The following COL22A1 variants were observed in gnomAD, a reference collection of about 807,000 sequenced individuals.
COL22A1 encodes the protein collagen type XXII alpha 1 chain.
A neutral mutation model predicts 248.9 loss-of-function variants in COL22A1; 221 were observed. The observed-to-expected ratio is 0.89, with a 90% CI of 0.80 to 0.99. The LOEUF (loss-of-function observed/expected upper bound fraction) is 0.99, where lower values mean the gene tolerates loss of function less well. Among genes scored for constraint, COL22A1 ranks in the 50% least tolerant of loss-of-function variants. The probability of loss-of-function intolerance (pLI) is 0.00; values close to 1 mark genes in which losing one functional copy is unlikely to be tolerated. For missense variants in COL22A1, 2,240 were observed against 2,179.0 expected, an observed-to-expected ratio of 1.03 and a Z score of -0.56; for synonymous variants, 891 against 793.4, an observed-to-expected ratio of 1.12 and a Z score of -2.07.
chr8:138,831,850 C>T (rs1038655503), intron 5 of COL22A1, among the ~76,000 whole-genome samples: 8 of 152,106 alleles, frequency 5.3e-5, no homozygotes, highest in Non-Finnish European at 7.3e-5. Flanking sequence ...TTGTCAGAGG[C>T]GTGTGAACCA....
At chr8:138,790,762 G>A (rs1031185656) in intron 12 of COL22A1, among the ~76,000 whole-genome samples, 20 of 152,216 alleles carry the variant, frequency 1.3e-4, no homozygotes, top group African/African-American at 4.3e-4. Context: ...CCCACCCAAT[G>A]AGAAGCACGA....
Position 138,895,060 on chromosome 8 carries a change from T to TAAA in COL22A1, c.-72-11819_-72-11817dup, listed in dbSNP as rs35588853. Among the ~76,000 whole-genome samples the TAAA allele has an allele frequency of 2.0e-3, 281 of 139,626 alleles. 8 individuals are homozygous for TAAA. The East Asian group carries it at 0.042, about 21-fold the overall frequency. The allele number at this position is 139,626 out of a possible 152,430, so 91.6% of individuals were successfully genotyped here. A position where few individuals can be genotyped will look rare whatever the true frequency, so the allele number is the denominator to read the frequency against. ...GACAACAGAGCAAGAACCTTTCTCT[T>TAAA]AAAAAAAAAAAAAGAAAAGAAAAGA... On this transcript the variant is annotated intron_variant, in intron 1 of 64. Coordinates refer to ENST00000303045, the MANE Select transcript of COL22A1 (RefSeq NM_152888.3).
At chr8:138,757,121 A>G (rs1833073210) in intron 18 of COL22A1, among the ~76,000 whole-genome samples, 1 of 152,190 alleles carries the variant, frequency 6.6e-6, no homozygotes, top group Admixed American at 6.5e-5. Context: ...TAGCCCCTGC[A>G]GGCACTTCCA....
At position 138,655,888 on chromosome 8, in the gene COL22A1, T is replaced by C; in HGVS notation, c.3333+9A>G. The C allele has an allele frequency of 1.9e-6, 3 of 1,606,238 alleles. No homozygotes were observed. Among genetic ancestry groups the C allele is most frequent in the Non-Finnish European group, 2.6e-6 (3 of 1,173,156 alleles). ...TCAAAACACATGCGCATTTATTGTATGCTTTTACCTTAGCCAAGAGATTTA... is the reference window on the plus strand; with the variant it reads ...TCAAAACACATGCGCATTTATTGTACGCTTTTACCTTAGCCAAGAGATTTA... On this transcript the variant is annotated intron_variant, in intron 45 of 64. Transcript: ENST00000303045.
chr8:138,784,370 T>C (rs530686742), intron 12 of COL22A1, among the ~76,000 whole-genome samples: 4 of 152,340 alleles, frequency 2.6e-5, no homozygotes, highest in African/African-American at 9.6e-5. Flanking sequence ...TGGTTTACTT[T>C]TGTGGGTTAA....
chr8:138,690,877 G>A lies in COL22A1; in HGVS notation c.2755-3C>T, dbSNP rs766894307. ...GCACCGACATGTCCGGGAGCACCCT[G>A]TTCAGAGACAGAAGTTTAGAAAGGC... is the stretch of plus-strand genomic sequence containing the variant. On this transcript the variant is annotated splice_region_variant and splice_polypyrimidine_tract_variant and intron_variant, in intron 35 of 64. Transcript: ENST00000303045. 3 of 1,607,350 alleles carry A rather than the reference G, an allele frequency of 1.9e-6. No individual in the cohort carries two copies. Among genetic ancestry groups the A allele is most frequent in the Non-Finnish European group, 2.5e-6 (3 of 1,177,234 alleles).
At chr8:138,663,824 G>T in intron 41 of COL22A1, 84 bp from the exon 42 acceptor site, 2 of 1,040,180 alleles carry the variant, frequency 1.9e-6, no homozygotes, top group Non-Finnish European at 3.0e-6. Flanking sequence ...CCATAGACAG[G>T]TCCTCAGTTG....
At chr8:138,776,507 G>A (rs1050989241) in intron 15 of COL22A1, among the ~76,000 whole-genome samples, 1 of 152,078 alleles carries the variant, frequency 6.6e-6, no homozygotes, top group Non-Finnish European at 1.5e-5. Flanking sequence ...CCTTTATCTA[G>A]AGCAGCACCT....
chr8:138,649,527 C>A (rs1364860902), intron 46 of COL22A1, 138 bp downstream of exon 46: 3 of 1,429,260 alleles, frequency 2.1e-6, no homozygotes, highest in South Asian at 2.8e-5. Context: ...ATCTCACAAC[C>A]CAGTACTCCT....
At chr8:138,665,809 GA>G (rs1824455409) in intron 41 of COL22A1, among the ~76,000 whole-genome samples, 1 of 152,002 alleles carries the variant, frequency 6.6e-6, no homozygotes, top group Non-Finnish European at 1.5e-5. Flanking sequence ...GAAAAAAAAA[GA>G]AAGAAAACAG....
intron 42 of COL22A1, among the ~76,000 whole-genome samples, chr8:138,662,494 C>T (rs895984761): frequency 6.6e-6 from 1 of 152,198 alleles, no homozygotes; most frequent in Admixed American, 6.5e-5. Flanking sequence ...CAGCACAACA[C>T]TCAGCATATG....
chr8:138,783,343 A>G lies in COL22A1; in HGVS notation c.1597-2363T>C, dbSNP rs1468445099. On this transcript the variant is annotated intron_variant, in intron 12 of 64. Transcript: ENST00000303045. The stretch of plus-strand genomic sequence containing the variant: ...TTTATTAACTAACAACAAGATCACA[A>G]GGTCCCACAATAGGCCATCTGCAGG... Among the ~76,000 whole-genome samples the G allele has an allele frequency of 2.0e-5, 3 of 152,146 alleles. No individual in the cohort carries two copies. In the East Asian group the frequency reaches 5.8e-4, roughly 29 times the overall value.
At chr8:138,813,776 C>T (rs1420764753) in intron 7 of COL22A1, among the ~76,000 whole-genome samples, 1 of 152,114 alleles carries the variant, frequency 6.6e-6, no homozygotes, top group South Asian at 2.1e-4. Flanking sequence ...GCCCTCCGCT[C>T]CGCACACAGA....
rs370576971 is a variant in COL22A1 at position 138,685,209 on chromosome 8, G to A, written c.2966C>T (p.Pro989Leu). 2.1e-5 allele frequency: 34 copies of A among 1,606,122 alleles called. No individual in the cohort carries two copies. Among genetic ancestry groups the A allele is most frequent in the East Asian group, 6.7e-5 (3 of 44,736 alleles). The change falls in exon 38 of 65, where the codon CCG (proline) becomes CTG (leucine). Residue 989 changes from proline (P) to leucine (L), a missense_variant and splice_region_variant. By Grantham distance (98) the Pro-to-Leu change is moderately conservative. Transcript: ENST00000303045. ...TGGGACCCCCGACCTTCCACTTACCGGCTCTCCATCCTTCCCTTTTCCGGG... is the reference window on the plus strand; with the variant it reads ...TGGGACCCCCGACCTTCCACTTACCAGCTCTCCATCCTTCCCTTTTCCGGG... ...GPPGKGKDGE[P>L]GLRGSPGLPG...
At chr8:138,620,941 GCATCCATCCATCCATCCATCCATC>G (rs754305152) in intron 52 of COL22A1, among the ~76,000 whole-genome samples, 3 of 126,742 alleles carry the variant, frequency 2.4e-5, no homozygotes, top group Admixed American at 8.4e-5. Flanking sequence ...AACCAACCAA[GCATCCATCCATCCATCCATCCATC>G]CATCCATCCA....
At chr8:138,834,347 G>GAAAAAAAAA (rs71316365) in intron 4 of COL22A1, among the ~76,000 whole-genome samples, 4 of 128,606 alleles carry the variant, frequency 3.1e-5, no homozygotes, top group Admixed American at 1.6e-4. Context: ...AAGAGAAAAA[G>GAAAAAAAAA]AAAAAAAAAA....
chr8:138,755,961 G>A (rs554901717), intron 18 of COL22A1, 132 bp from the exon 19 acceptor site: 19 of 728,112 alleles, frequency 2.6e-5, no homozygotes, highest in Admixed American at 4.6e-5. Context: ...ACATATCTTC[G>A]TCTTGCCCGA....
At chr8:138,749,083 T>C (rs1257912980) in intron 22 of COL22A1, among the ~76,000 whole-genome samples, 1 of 152,190 alleles carries the variant, frequency 6.6e-6, no homozygotes, top group Non-Finnish European at 1.5e-5. Flanking sequence ...ATGTAAGGCA[T>C]GTCTTTCACC....
intron 28 of COL22A1, 32 bp from the exon 29 acceptor site, chr8:138,716,321 C>A: frequency 6.6e-7 from 1 of 1,518,546 alleles, no homozygotes; most frequent in Non-Finnish European, 8.9e-7. Context: ...AAGGCGTCAA[C>A]AGGAAGGCTC....
Sources: gnomAD v4.1 joint callset for allele counts (sites outside exome capture counted in the v4.1 genomes callset) on GRCh38, gnomAD v4.1.1 for gene constraint, MANE v1.5 for transcripts, NCBI Gene and HGNC (gene_info 2026-07-23, HGNC 2026-07-21) for gene names.